CCPG1: variants seen among roughly 807,000 people sequenced by gnomAD.
CCPG1 encodes the protein cell cycle progression protein 1.
Under a neutral mutation model 81.3 loss-of-function variants are expected in CCPG1, and 46 were observed. The observed-to-expected ratio is 0.57, with a 90% confidence interval of 0.45 to 0.72. CCPG1 has a LOEUF of 0.72. Among genes scored for constraint, CCPG1 ranks in the 30% least tolerant of loss-of-function variants. CCPG1 has a pLI of 0.00. For missense variants in CCPG1, 902 were observed against 937.6 expected (o/e 0.96, Z 0.50); for synonymous variants, 330 against 305.2 (o/e 1.08, Z -0.85).
chr15:55,407,047 C>A (rs1401294332), intron 1 of CCPG1, among the ~76,000 whole-genome samples: 6 of 110,994 alleles, frequency 5.4e-5, no homozygotes, highest in African/African-American at 1.8e-4. Flanking sequence ...ACCCCCCCCC[C>A]CGCCCCGCCG....
chr15:55,357,291 T>A (rs992592226), intron 8 of CCPG1: 7 of 983,228 alleles, frequency 7.1e-6, no homozygotes, highest in Non-Finnish European at 8.5e-6. Flanking sequence ...CTACTTCTCC[T>A]TCACAAGAAA....
intron 1 of CCPG1, among the ~76,000 whole-genome samples, chr15:55,400,111 G>A (rs2057098734): frequency 6.8e-6 from 1 of 147,032 alleles, no homozygotes; most frequent in Admixed American, 6.9e-5. Context: ...GGAGGCTGAG[G>A]CACAAGAATT....
At chr15:55,393,843 G>C (rs1387259425) in intron 1 of CCPG1, among the ~76,000 whole-genome samples, 1 of 152,118 alleles carries the variant, frequency 6.6e-6, no homozygotes, top group African/African-American at 2.4e-5. Context: ...CATTCACATA[G>C]GGTATACACC....
chr15:55,401,495 C>T (rs1332955224), intron 1 of CCPG1, among the ~76,000 whole-genome samples: 1 of 152,044 alleles, frequency 6.6e-6, no homozygotes, highest in African/African-American at 2.4e-5. Flanking sequence ...GGCGAAACTC[C>T]GTCTCTACTA....
chr15:55,386,064 A>C (rs1291752457), intron 2 of CCPG1, among the ~76,000 whole-genome samples: 1 of 152,202 alleles, frequency 6.6e-6, no homozygotes. Context: ...TACTCTAGAC[A>C]AGGCACTTCG....
chr15:55,371,778 T>A lies in CCPG1; in HGVS notation c.706+15A>T. The A allele has an allele frequency of 6.2e-7, 1 of 1,610,992 alleles. No homozygotes were observed. Among genetic ancestry groups the A allele is most frequent in the African/African-American group, 1.3e-5 (1 of 74,944 alleles). ...ATCCCATCAGGTTATGTATAACACATTTTTGAGTACTTACCATAGAAATGG... is the reference window on the plus strand; with the variant it reads ...ATCCCATCAGGTTATGTATAACACAATTTTGAGTACTTACCATAGAAATGG... On this transcript the variant is annotated intron_variant, in intron 6 of 8. Coordinates refer to ENST00000442196, the MANE Select transcript of CCPG1 (RefSeq NM_001204450.2).
chr15:55,381,185 C>T (rs1169065416), intron 3 of CCPG1, among the ~76,000 whole-genome samples: 1 of 151,148 alleles, frequency 6.6e-6, no homozygotes, highest in Admixed American at 6.6e-5. Flanking sequence ...CTTGTAATCA[C>T]AGCACTTTGG....
rs769413175 is a variant in CCPG1, at chr15:55,356,317, C to G, written c.2327G>C (p.Arg776Thr). The change falls in exon 9 of 9, where the codon AGG (arginine) becomes ACG (threonine). Residue 776 changes from arginine to threonine, a missense_variant. By Grantham distance (71) the Arg-to-Thr change is moderately conservative (BLOSUM62 -1). This residue lies in a region of CCPG1 where 128 missense variants were observed against 161.2 expected (regional missense o/e 0.79). Transcript: ENST00000442196. The part of the protein sequence containing the change: ...QKHLQPQPYK[R>T]EGKWHKYGRT... Reference sequence around the variant, plus strand: ...ACCATATTTATGCCATTTACCTTCCCTTTTATAAGGCTGTGGCTGAAGGTG... The same window carrying G: ...ACCATATTTATGCCATTTACCTTCCGTTTTATAAGGCTGTGGCTGAAGGTG... 3.3e-5 allele frequency: 50 copies of G among 1,535,528 alleles called. 1 individual carries two copies. In the South Asian group the frequency reaches 5.6e-4, roughly 17 times the overall value.
chr15:55,403,640 T>A (rs1426005374), intron 1 of CCPG1, among the ~76,000 whole-genome samples: 2 of 152,298 alleles, frequency 1.3e-5, no homozygotes, highest in Non-Finnish European at 2.9e-5. Context: ...ATGGCCAAGT[T>A]TATCTGATGC....
chr15:55,392,429 G>T (rs933219895), intron 1 of CCPG1, among the ~76,000 whole-genome samples: 2 of 151,536 alleles, frequency 1.3e-5, no homozygotes, highest in African/African-American at 4.8e-5. Flanking sequence ...CTAAAGGCCA[G>T]GAGATTCTCC....
chr15:55,363,209 C>A (rs1315825624), intron 7 of CCPG1, among the ~76,000 whole-genome samples: 1 of 151,722 alleles, frequency 6.6e-6, no homozygotes, highest in East Asian at 1.9e-4. Flanking sequence ...ATGAACCGGG[C>A]ATGGTGGAGG....
At chr15:55,377,701 A>G (rs1054243511) in intron 4 of CCPG1, among the ~76,000 whole-genome samples, 14 of 152,208 alleles carry the variant, frequency 9.2e-5, no homozygotes, top group Non-Finnish European at 1.9e-4. Context: ...GGTCTTTATA[A>G]AACAGGCTTC....
chr15:55,402,515 C>T (rs961557206), intron 1 of CCPG1, among the ~76,000 whole-genome samples: 1 of 152,192 alleles, frequency 6.6e-6, no homozygotes, highest in African/African-American at 2.4e-5. Context: ...AGGCATGAGC[C>T]ACCACACCCA....
intron 7 of CCPG1, 87 bp downstream of exon 7, chr15:55,365,101 T>C: frequency 1.3e-6 from 1 of 741,662 alleles, no homozygotes; most frequent in Non-Finnish European, 2.3e-6. Context: ...ACTGATTTAC[T>C]AATCTGCACT....
At position 55,355,357 on chromosome 15, in the gene CCPG1, G is replaced by C; in HGVS notation, c.*863C>G. 1 of 1,610,868 alleles carries C rather than the reference G, an allele frequency of 6.2e-7. No individual in the cohort carries two copies. Among genetic ancestry groups the C allele is most frequent in the Non-Finnish European group, 8.5e-7 (1 of 1,177,286 alleles). Reference sequence around the variant, plus strand: ...TTTTCTTCCACACTCACTTGCCAGAGGGTCGAATTGGAAGTCACATATATG... The same window carrying C: ...TTTTCTTCCACACTCACTTGCCAGACGGTCGAATTGGAAGTCACATATATG... On this transcript the variant is annotated 3_prime_UTR_variant, in exon 9 of 9. Transcript: ENST00000442196.
rs1251408396 is a variant in CCPG1, at chr15:55,360,178, G to A, written c.1595C>T (p.Thr532Ile). 2 of 1,613,268 alleles carry A rather than the reference G, an allele frequency of 1.2e-6. No individual in the cohort carries two copies. Among genetic ancestry groups the A allele is most frequent in the African/African-American group, 2.7e-5 (2 of 74,786 alleles). The change falls in exon 8 of 9, where the codon ACT becomes ATT. Residue 532 changes from threonine to isoleucine, a missense_variant. Transcript: ENST00000442196. ...LKKFSDSVKSTFRHFKDTTKN... is the reference protein window; with the variant it reads ...LKKFSDSVKSIFRHFKDTTKN... ...GGTGGTATCTTTAAAGTGTCTGAAA[G>A]TGGATTTAACTGAATCTGAGAATTT... is the stretch of plus-strand genomic sequence containing the variant.
At chr15:55,378,584 T>C (rs2056613916) in intron 3 of CCPG1, among the ~76,000 whole-genome samples, 1 of 151,560 alleles carries the variant, frequency 6.6e-6, no homozygotes, top group South Asian at 2.1e-4. Context: ...TAATTTTGGA[T>C]AAGAAAATGC....
intron 8 of CCPG1, chr15:55,358,176 G>A (rs908729603): frequency 3.2e-5 from 6 of 190,130 alleles, no homozygotes; most frequent in Non-Finnish European, 5.8e-5. Context: ...GTGAAAGGGT[G>A]AAGGTTCTCA....
rs950857493 is a variant in CCPG1, at chr15:55,356,407, C to T, written c.2237G>A (p.Arg746Gln). The change falls in exon 9 of 9, where the codon CGA becomes CAA. Residue 746 changes from arginine (R) to glutamine (Q), a missense_variant and splice_region_variant. Coordinates refer to ENST00000442196, the MANE Select transcript of CCPG1 (RefSeq NM_001204450.2). The stretch of plus-strand genomic sequence containing the variant: ...TACCATACGTTGCTTTTTATCAGGT[C>T]GACTGAAAGCAGTAAACACATTTTT... ...HTFSPPYGPS[R>Q]PDKKQRMVNI... 38 of 1,518,424 alleles carry T rather than the reference C, an allele frequency of 2.5e-5. No homozygotes were observed. Among genetic ancestry groups the T allele is most frequent in the Non-Finnish European group, 3.2e-5 (36 of 1,138,688 alleles). 94.1% of individuals were successfully genotyped at this position (1,518,424 alleles called of 1,614,324 possible). A position where few individuals can be genotyped will look rare whatever the true frequency, so the allele number is the denominator to read the frequency against.
Sources: gnomAD v4.1 joint callset for allele counts (sites outside exome capture counted in the v4.1 genomes callset) on GRCh38, gnomAD v4.1.1 for gene constraint, gnomAD v4.1.1 regional missense constraint, MANE v1.5 for transcripts, NCBI Gene and HGNC (gene_info 2026-07-23, HGNC 2026-07-21) for gene names.